KCTD1: variants seen among roughly 807,000 people sequenced by gnomAD.
KCTD1 encodes the protein BTB/POZ domain-containing protein KCTD1.
In KCTD1, 24 loss-of-function variants were observed where a neutral mutation model predicts 66.0. The ratio of observed to expected loss-of-function variants is 0.36; its 90% confidence interval spans 0.26 to 0.51. The LOEUF is 0.51. Among genes scored for constraint, KCTD1 ranks in the 20% least tolerant of loss-of-function variants. KCTD1 has a pLI of 0.95. For missense variants in KCTD1, 943 were observed against 1,205.2 expected, an observed-to-expected ratio of 0.78 and a Z score of 3.22; for synonymous variants, 511 against 517.2, an observed-to-expected ratio of 0.99 and a Z score of 0.16.
chr18:26,468,095 G>C lies in KCTD1; in HGVS notation c.2134-8170C>G, dbSNP rs566003213. 4.6e-5 allele frequency among the ~76,000 whole-genome samples: 7 copies of C among 152,368 alleles called. No homozygotes were observed. Among genetic ancestry groups the C allele is most frequent in the Non-Finnish European group, 1.0e-4 (7 of 68,040 alleles). On this transcript the variant is annotated intron_variant, in intron 3 of 4. Transcript: ENST00000580059. This position sits in a 1 kb window ranked among gnomAD's most constrained non-coding sequence, Gnocchi z 4.8. The stretch of plus-strand genomic sequence containing the variant: ...AAGCTCTAGACTCTTGGTGTGCTGA[G>C]AGTTGCAACCACGTGTGTGTGTGTG...
intron 1 of KCTD1, chr18:26,600,405 C>T (rs556247018): frequency 3.0e-5 from 25 of 836,622 alleles, no homozygotes; most frequent in South Asian, 1.8e-4. Context: ...AATCCCACCA[C>T]GGTGTCTCCT....
chr18:26,464,211 G>A (rs1377451086), intron 3 of KCTD1, among the ~76,000 whole-genome samples: 5 of 152,216 alleles, frequency 3.3e-5, no homozygotes, highest in South Asian at 2.1e-4. Flanking sequence ...TCATGGTGCC[G>A]GCAGGGATGC....
At chr18:26,604,286 A>G (rs912783671) in intron 1 of KCTD1, among the ~76,000 whole-genome samples, 9 of 152,234 alleles carry the variant, frequency 5.9e-5, no homozygotes, top group Non-Finnish European at 1.2e-4. Flanking sequence ...GGTTGTGGAG[A>G]AAAAGAAACA....
chr18:26,532,261 C>CTTTTTTTTTTTT lies in KCTD1; in HGVS notation c.1809+14455_1809+14466dup, dbSNP rs533359603. Among the ~76,000 whole-genome samples the CTTTTTTTTTTTT allele has an allele frequency of 2.8e-3, 82 of 29,548 alleles. 5 individuals carry two copies. Among genetic ancestry groups the CTTTTTTTTTTTT allele is most frequent in the African/African-American group, 5.0e-3 (77 of 15,380 alleles). The allele number at this position is 29,548 out of a possible 152,430, so 19.4% of individuals were successfully genotyped here. On this transcript the variant is annotated intron_variant, in intron 1 of 4. Coordinates refer to ENST00000580059, the MANE Select transcript of KCTD1 (RefSeq NM_001142730.3). ...CTTTTTCTTTTTCTTTTCTTTCCTT[C>CTTTTTTTTTTTT]TTTTTTTTTTTTTTTTTTTTTTTTT...
chr18:26,526,172 A>T (rs1313772773), intron 1 of KCTD1, among the ~76,000 whole-genome samples: 1 of 152,096 alleles, frequency 6.6e-6, no homozygotes, highest in Non-Finnish European at 1.5e-5. Flanking sequence ...TTGTGAGTTA[A>T]ATGTGAGAAA....
intron 2 of KCTD1, among the ~76,000 whole-genome samples, chr18:26,489,197 T>C (rs1360400061): frequency 1.3e-5 from 2 of 152,318 alleles, no homozygotes; most frequent in Middle Eastern, 3.4e-3. Flanking sequence ...AAGCCAAATA[T>C]TGGTAATTCA....
chr18:26,548,439 T>TCGCCCC lies in KCTD1; in HGVS notation c.92_97dup (p.Gly32_Glu33insGlyGly), dbSNP rs1985380052. ...GCGGCCCCCCGCGCCGCGCTCGCCC[T>TCGCCCC]CGCCCCGCTCCCCATTGTTCTCGGC... is the stretch of plus-strand genomic sequence containing the variant. On this transcript the variant is annotated inframe_insertion, in exon 1 of 5. Transcript: ENST00000580059. 2.9e-6 allele frequency: 4 copies of TCGCCCC among 1,375,894 alleles called. No homozygotes were observed. The highest frequency in any genetic ancestry group is 3.7e-6 in the Non-Finnish European group (4 of 1,067,220). The allele number at this position is 1,375,894 out of a possible 1,614,324, so 85.2% of individuals were successfully genotyped here.
intron 1 of KCTD1, among the ~76,000 whole-genome samples, chr18:26,517,601 G>A (rs1263475757): frequency 1.4e-5 from 2 of 145,520 alleles, no homozygotes; most frequent in East Asian, 2.1e-4. Flanking sequence ...AGGTTGCAGT[G>A]AGCTGAGATC....
At chr18:26,513,706 C>G (rs1983476566) in intron 1 of KCTD1, among the ~76,000 whole-genome samples, 1 of 152,172 alleles carries the variant, frequency 6.6e-6, no homozygotes, top group Non-Finnish European at 1.5e-5. Flanking sequence ...CTTTCCAGTT[C>G]TGAATTTTTA....
upstream of KCTD1, among the ~76,000 whole-genome samples, chr18:26,632,961 G>A (rs1987653362): frequency 6.6e-6 from 1 of 152,024 alleles, no homozygotes; most frequent in African/African-American, 2.4e-5. Context: ...GGAACTGGAT[G>A]AAATGATTTA....
intron 1 of KCTD1, among the ~76,000 whole-genome samples, chr18:26,526,212 AG>A (rs1984151696): frequency 6.6e-6 from 1 of 152,136 alleles, no homozygotes; most frequent in Admixed American, 6.5e-5. Context: ...GCCCTCTCCG[AG>A]GAAAGCCGGT....
intron 3 of KCTD1, 133 bp from the exon 4 acceptor site, chr18:26,460,058 C>T (rs558625296): frequency 3.3e-5 from 22 of 675,468 alleles, no homozygotes; most frequent in Admixed American, 5.8e-5. Flanking sequence ...TTTTCACTTA[C>T]GACATGTTTG....
chr18:26,642,677 T>C (rs1437510331), upstream of KCTD1, among the ~76,000 whole-genome samples: 1 of 152,192 alleles, frequency 6.6e-6, no homozygotes, highest in Non-Finnish European at 1.5e-5. Flanking sequence ...AGGCAGAGAT[T>C]ACATTTGGTG....
chr18:26,530,442 A>G (rs1984381869), intron 1 of KCTD1, among the ~76,000 whole-genome samples: 1 of 152,210 alleles, frequency 6.6e-6, no homozygotes, highest in Admixed American at 6.5e-5. Context: ...GACCCGAAAC[A>G]CGGAAGAGGC....
chr18:26,465,893 T>C (rs1349184598), intron 3 of KCTD1, among the ~76,000 whole-genome samples: 1 of 152,122 alleles, frequency 6.6e-6, no homozygotes, highest in Non-Finnish European at 1.5e-5. Flanking sequence ...AAAGAGGTCA[T>C]GGGCAGTACC....
At chr18:26,555,524 T>A (rs543956733) in intron 1 of KCTD1, among the ~76,000 whole-genome samples, 1 of 152,258 alleles carries the variant, frequency 6.6e-6, no homozygotes, top group Non-Finnish European at 1.5e-5. Context: ...TATGCTTTGA[T>A]GCACAAATTG....
intron 3 of KCTD1, among the ~76,000 whole-genome samples, chr18:26,474,074 T>C (rs1047216746): frequency 6.6e-6 from 1 of 152,226 alleles, no homozygotes; most frequent in Non-Finnish European, 1.5e-5. Context: ...CATTTATATA[T>C]GCATACATAC....
Position 26,576,988 on chromosome 18 carries a change from T to A in KCTD1, c.-16+52159A>T, listed in dbSNP as rs1344462181. On this transcript the variant is annotated intron_variant, in intron 1 of 4. Transcript: ENST00000317932. The stretch of plus-strand genomic sequence containing the variant: ...CTAGTTTTAGTACTTTTGGTGGTTA[T>A]CCCTGCAACTATAAATCGTTTCTTG... Among the ~76,000 whole-genome samples, 4 of 152,374 alleles carry A rather than the reference T, an allele frequency of 2.6e-5. No individual in the cohort carries two copies. In the East Asian group the frequency reaches 7.7e-4, roughly 29 times the overall value.
upstream of KCTD1, chr18:26,548,747 G>T (rs1321131492): frequency 6.1e-5 from 67 of 1,101,088 alleles, no homozygotes; most frequent in Non-Finnish European, 7.2e-5. Flanking sequence ...GGACAAGTTA[G>T]ACCGGAGAGA....
Sources: allele counts gnomAD v4.1 joint callset (sites outside exome capture counted in the v4.1 genomes callset), GRCh38; gene constraint gnomAD v4.1.1; non-coding constraint Gnocchi (gnomAD v3.1); transcripts MANE v1.5; gene names NCBI Gene and HGNC (gene_info 2026-07-23, HGNC 2026-07-21).